Variants in MYT1L observed in about 807,000 individuals in gnomAD.
MYT1L encodes myelin transcription factor 1 like.
Under a neutral mutation model 126.7 loss-of-function variants are expected in MYT1L, and 12 were observed. The observed-to-expected ratio is 0.09, with a 90% CI of 0.06 to 0.15. MYT1L has a LOEUF of 0.15. Ranked by LOEUF, MYT1L falls within the 10% of genes least tolerant of loss-of-function variation. The pLI, the probability that MYT1L is intolerant of heterozygous loss-of-function variation, is 1.00. For missense variants in MYT1L, 979 were observed against 1,585.2 expected (o/e 0.62, Z 6.49); for synonymous variants, 541 against 604.2 (o/e 0.90, Z 1.53).
At chr2:2,083,220 C>T (rs1422015925) in intron 3 of MYT1L, among the ~76,000 whole-genome samples, 2 of 152,238 alleles carry the variant, frequency 1.3e-5, no homozygotes, top group East Asian at 3.9e-4. Context: ...TGCGGCTTTT[C>T]TCAACCCTTT....
At chr2:2,193,576 T>G (rs980371716) in intron 2 of MYT1L, among the ~76,000 whole-genome samples, 4 of 152,190 alleles carry the variant, frequency 2.6e-5, no homozygotes, top group African/African-American at 9.7e-5. Context: ...TGATCCATTT[T>G]GGGTCTGGAA....
intron 13 of MYT1L, among the ~76,000 whole-genome samples, chr2:1,908,343 G>A (rs1354070770): frequency 6.6e-6 from 1 of 152,162 alleles, no homozygotes; most frequent in African/African-American, 2.4e-5. Context: ...GCTGGCCCCC[G>A]AGAGCAGGGC....
intron 8 of MYT1L, among the ~76,000 whole-genome samples, chr2:1,950,951 T>C (rs1265915053): frequency 6.6e-6 from 1 of 152,092 alleles, no homozygotes. Context: ...AGGTAGGACA[T>C]GCAGGAGTGA....
chr2:2,238,200 A>C (rs1280957321), intron 2 of MYT1L, among the ~76,000 whole-genome samples: 1 of 152,158 alleles, frequency 6.6e-6, no homozygotes, highest in African/African-American at 2.4e-5. Context: ...TATTGTAAGG[A>C]AGGTAAATCA....
intron 1 of MYT1L, chr2:2,325,466 A>G (rs897102591): frequency 1.7e-4 from 26 of 152,252 alleles, no homozygotes; most frequent in African/African-American, 6.0e-4. Flanking sequence ...GTTTTCTTTG[A>G]AAAGACAAGT....
At chr2:2,225,805 T>C (rs2093994324) in intron 2 of MYT1L, among the ~76,000 whole-genome samples, 1 of 152,078 alleles carries the variant, frequency 6.6e-6, no homozygotes, top group Admixed American at 6.5e-5. Flanking sequence ...TACCCCACAA[T>C]AGCAATCTGA....
At chr2:1,815,373 C>T (rs893368833) in intron 21 of MYT1L, among the ~76,000 whole-genome samples, 5 of 152,206 alleles carry the variant, frequency 3.3e-5, no homozygotes, top group African/African-American at 9.6e-5. Context: ...TGCTCCCACT[C>T]GTCATGAGGG....
intron 9 of MYT1L, among the ~76,000 whole-genome samples, chr2:1,931,102 C>A (rs1573683107): frequency 2.6e-5 from 4 of 152,286 alleles, no homozygotes; most frequent in Admixed American, 2.6e-4. Flanking sequence ...GGCCTCGGGT[C>A]CTGCTGAGAC....
chr2:2,234,145 C>A (rs570524585), intron 2 of MYT1L, among the ~76,000 whole-genome samples: 1 of 152,274 alleles, frequency 6.6e-6, no homozygotes, highest in South Asian at 2.1e-4. Flanking sequence ...CTTTAATGTA[C>A]ACTCATTATT....
intron 14 of MYT1L, among the ~76,000 whole-genome samples, chr2:1,897,884 T>A (rs1033275615): frequency 5.3e-5 from 8 of 152,328 alleles, no homozygotes; most frequent in Admixed American, 3.3e-4. Context: ...TAACTCTAGA[T>A]GCCAGAGCTG....
rs554690456 is a variant in MYT1L at position 1,979,054 on chromosome 2, A to G, written c.152+111T>C. 1 of 797,922 alleles carries G rather than the reference A, an allele frequency of 1.3e-6. No individual in the cohort carries two copies. The highest frequency in any genetic ancestry group is 2.4e-5 in the Admixed American group (1 of 42,346). The allele number at this position is 797,922 out of a possible 1,614,324, so 49.4% of individuals were successfully genotyped here. A position where few individuals can be genotyped will look rare whatever the true frequency, so the allele number is the denominator to read the frequency against. On this transcript the variant is annotated intron_variant, in intron 8 of 24. Coordinates refer to ENST00000647738, the MANE Select transcript of MYT1L (RefSeq NM_001303052.2). The surrounding 1 kb of genome is among the most constrained non-coding windows in gnomAD (Gnocchi z 4.0). ...CAGTGTGAGAAGAAAAAGAAGGCAT[A>G]ATGTGTATTGCTTTCCAAGAACACC...
chr2:2,197,289 G>GATA (rs1044884068), intron 2 of MYT1L, among the ~76,000 whole-genome samples: 1 of 152,110 alleles, frequency 6.6e-6, no homozygotes, highest in African/African-American at 2.4e-5. Context: ...TCTACTATGA[G>GATA]ATAATAATAA....
chr2:2,202,430 T>C (rs2093122607), intron 2 of MYT1L, among the ~76,000 whole-genome samples: 1 of 151,974 alleles, frequency 6.6e-6, no homozygotes, highest in African/African-American at 2.4e-5. Context: ...TAGAAAATGA[T>C]AAAGGGGACA....
At chr2:2,157,175 T>C (rs941209345) in intron 3 of MYT1L, among the ~76,000 whole-genome samples, 4 of 152,182 alleles carry the variant, frequency 2.6e-5, no homozygotes, top group African/African-American at 9.7e-5. Context: ...TGTCTAAAAT[T>C]GTAAGAATAA....
chr2:1,833,201 C>G (rs2040416997), intron 21 of MYT1L, among the ~76,000 whole-genome samples: 1 of 152,178 alleles, frequency 6.6e-6, no homozygotes, highest in African/African-American at 2.4e-5. Flanking sequence ...CCGTGGTTGG[C>G]CTTGCCCCAG....
intron 3 of MYT1L, among the ~76,000 whole-genome samples, chr2:2,054,335 T>C (rs569083377): frequency 3.0e-4 from 46 of 151,672 alleles, no homozygotes; most frequent in African/African-American, 1.1e-3. Flanking sequence ...CACATGGAGA[T>C]GATGAGATGC....
chr2:2,053,901 CAT>C (rs1282573116), intron 4 of MYT1L, 75 bp downstream of exon 4: 1 of 152,644 alleles, frequency 6.6e-6, no homozygotes, highest in Non-Finnish European at 1.5e-5. Flanking sequence ...TTCAAAGTAA[CAT>C]ATTTTAAGGT....
intron 4 of MYT1L, among the ~76,000 whole-genome samples, chr2:2,002,280 T>C (rs537934825): frequency 6.6e-6 from 1 of 152,310 alleles, no homozygotes; most frequent in Admixed American, 6.5e-5. Flanking sequence ...GGCTCTCTGC[T>C]GCTGCCGAAC....
intron 3 of MYT1L, among the ~76,000 whole-genome samples, chr2:2,077,897 G>A (rs986766725): frequency 9.9e-5 from 15 of 152,164 alleles, no homozygotes; most frequent in African/African-American, 3.6e-4. Flanking sequence ...CTGCATAGAT[G>A]TTATAAAAGA....
Sources: allele counts gnomAD v4.1 joint callset (sites outside exome capture counted in the v4.1 genomes callset), GRCh38; gene constraint gnomAD v4.1.1; non-coding constraint Gnocchi (gnomAD v3.1); transcripts MANE v1.5; gene names NCBI Gene and HGNC (gene_info 2026-07-23, HGNC 2026-07-21).